The following NLGN4X variants were observed in gnomAD, a reference collection of about 807,000 sequenced individuals.
NLGN4X encodes neuroligin-4, X-linked.
A neutral mutation model predicts 40.3 loss-of-function variants in NLGN4X; 3 were observed. That is an observed-to-expected ratio of 0.07 (90% CI 0.03 to 0.19). The LOEUF is 0.19. NLGN4X is among the 10% of genes least tolerant of loss of function. NLGN4X has a pLI of 1.00. For synonymous variants in NLGN4X, 270 were observed against 306.8 expected, an observed-to-expected ratio of 0.88 and a Z score of 1.25; for missense variants, 382 against 708.3, an observed-to-expected ratio of 0.54 and a Z score of 5.23.
At position 5,896,363 on chromosome X, in the gene NLGN4X, T is replaced by C. The variant is rs756249095; in HGVS notation, c.1602-2697A>G. ...AAGCCAGATAAACTTGTGGAGATTA[T>C]GATAGCCCAAGTCATTCTCCCTTAC... On this transcript the variant is annotated intron_variant, in intron 5 of 5. Coordinates refer to ENST00000381095, the MANE Select transcript of NLGN4X (RefSeq NM_181332.3). 2.9e-4 allele frequency among the ~76,000 whole-genome samples: 32 copies of C among 112,194 alleles called. No homozygotes were observed. The Admixed American group carries it at 2.9e-3, about 10-fold the overall frequency.
At chrX:6,099,906 C>T (rs868107725) in intron 2 of NLGN4X, among the ~76,000 whole-genome samples, 10 of 111,719 alleles carry the variant, frequency 9.0e-5, no homozygotes, top group East Asian at 5.6e-4. Flanking sequence ...AACCCAGCAG[C>T]GCTAGAGGAA....
intron 3 of NLGN4X, among the ~76,000 whole-genome samples, chrX:6,017,613 GTTTGA>G (rs1317078206): frequency 9.0e-6 from 1 of 111,663 alleles, no homozygotes; most frequent in South Asian, 3.8e-4. Flanking sequence ...ACTTACAATG[GTTTGA>G]TTTATGATTT....
intron 3 of NLGN4X, among the ~76,000 whole-genome samples, chrX:6,026,152 C>T (rs754780926): frequency 1.8e-5 from 2 of 110,048 alleles, no homozygotes; most frequent in Non-Finnish European, 3.8e-5. Context: ...ACATTCTTTC[C>T]AATGCCAGCA....
intron 4 of NLGN4X, among the ~76,000 whole-genome samples, chrX:5,904,076 T>C (rs2032051550): frequency 1.8e-5 from 2 of 108,473 alleles, no homozygotes; most frequent in African/African-American, 6.7e-5. Context: ...AATGTTATTC[T>C]ACACACACAC....
rs1220178708 is a variant in NLGN4X at position 5,903,657 on chromosome X, C to A, written c.1021G>T (p.Gly341Trp). ...ATGACGTCGCCGTCGATCACCGGCC[C>A]GAAGGCTATGTGGTAGGTGGCCGGG... ...ITPATYHIAF[G>W]PVIDGDVIPD... The change falls in exon 5 of 6, where the codon GGG becomes TGG. Residue 341 changes from glycine to tryptophan, a missense_variant. Gly to Trp is a radical substitution (Grantham distance 184). Coordinates refer to ENST00000381095, the MANE Select transcript of NLGN4X (RefSeq NM_181332.3). 1 of 1,211,931 alleles carries A rather than the reference C, an allele frequency of 8.3e-7. No individual in the cohort carries two copies. Among genetic ancestry groups the A allele is most frequent in the Admixed American group, 2.2e-5 (1 of 46,079 alleles).
chrX:6,126,564 G>A (rs1410772364), intron 2 of NLGN4X, among the ~76,000 whole-genome samples: 1 of 111,732 alleles, frequency 8.9e-6, no homozygotes, highest in Non-Finnish European at 1.9e-5. Context: ...AGTAGAAAAT[G>A]TAATTGAAGA....
intron 3 of NLGN4X, among the ~76,000 whole-genome samples, chrX:5,949,122 C>T (rs2034223784): frequency 8.9e-6 from 1 of 111,925 alleles, no homozygotes; most frequent in African/African-American, 3.2e-5. Context: ...AGTCCCAGTG[C>T]TTTACTCCCA....
chrX:5,922,240 G>A (rs981760357), intron 3 of NLGN4X, among the ~76,000 whole-genome samples: 6 of 110,950 alleles, frequency 5.4e-5, no homozygotes, highest in African/African-American at 1.6e-4. Flanking sequence ...TTCTTCGTGG[G>A]GAGGGGGGGA....
At chrX:5,988,591 T>C (rs1207830328) in intron 3 of NLGN4X, among the ~76,000 whole-genome samples, 1 of 111,881 alleles carries the variant, frequency 8.9e-6, no homozygotes, top group Non-Finnish European at 1.9e-5. Context: ...ATGGGAAAGT[T>C]AGAAAACATT....
chrX:6,044,215 G>T (rs1320863441), intron 2 of NLGN4X, among the ~76,000 whole-genome samples: 1 of 111,911 alleles, frequency 8.9e-6, no homozygotes, highest in African/African-American at 3.2e-5. Context: ...TCCAGGGATT[G>T]CAGGCTGCAG....
intron 3 of NLGN4X, among the ~76,000 whole-genome samples, chrX:5,924,118 C>T (rs1227372497): frequency 2.7e-5 from 3 of 111,404 alleles, no homozygotes. Flanking sequence ...TCTAATTCTA[C>T]AAGATTGACT....
chrX:6,024,458 C>T (rs1256748918), intron 3 of NLGN4X, among the ~76,000 whole-genome samples: 2 of 110,925 alleles, frequency 1.8e-5, no homozygotes, highest in Non-Finnish European at 3.8e-5. Flanking sequence ...GGCTGGGTAA[C>T]GTAAGGCTGG....
intron 2 of NLGN4X, among the ~76,000 whole-genome samples, chrX:6,122,247 T>A (rs1008560072): frequency 2.7e-5 from 3 of 111,432 alleles, no homozygotes; most frequent in African/African-American, 9.8e-5. Context: ...TTGTTTTTTA[T>A]TTTTTTCTTG....
At chrX:6,050,091 G>T (rs1226933800) in intron 2 of NLGN4X, among the ~76,000 whole-genome samples, 2 of 111,759 alleles carry the variant, frequency 1.8e-5, no homozygotes, top group Non-Finnish European at 3.8e-5. Flanking sequence ...AATGCTTTTG[G>T]TAGGAAGGTA....
chrX:5,936,406 T>G (rs2033731289), intron 3 of NLGN4X, among the ~76,000 whole-genome samples: 1 of 112,323 alleles, frequency 8.9e-6, no homozygotes, highest in South Asian at 3.7e-4. Flanking sequence ...AGATCTTTCA[T>G]TAACTGGAAC....
At chrX:5,916,809 C>T (rs765208653) in intron 3 of NLGN4X, among the ~76,000 whole-genome samples, 2 of 112,119 alleles carry the variant, frequency 1.8e-5, no homozygotes, top group African/African-American at 3.2e-5. Context: ...GTGATTATTT[C>T]GAAGCATGTG....
intron 3 of NLGN4X, among the ~76,000 whole-genome samples, chrX:5,926,934 TTCTA>T (rs3072082): frequency 0.024 from 2,362 of 96,859 alleles, 42 homozygotes; most frequent in African/African-American, 0.051. Flanking sequence ...TCTCTATATC[TTCTA>T]TCTATCTATC....
intron 2 of NLGN4X, among the ~76,000 whole-genome samples, chrX:6,034,831 C>T (rs1690297585): frequency 9.1e-6 from 1 of 110,208 alleles, no homozygotes; most frequent in African/African-American, 3.3e-5. Context: ...GCCTCAGCCT[C>T]TCAAGTGGCT....
intron 3 of NLGN4X, among the ~76,000 whole-genome samples, chrX:5,977,693 T>A (rs2035219619): frequency 9.0e-6 from 1 of 111,469 alleles, no homozygotes; most frequent in South Asian, 3.8e-4. Flanking sequence ...AGCATAGATT[T>A]ATGCAGCAAA....
Sources: gnomAD v4.1 joint callset for allele counts (sites outside exome capture counted in the v4.1 genomes callset) on GRCh38, gnomAD v4.1.1 for gene constraint, MANE v1.5 for transcripts, NCBI Gene and HGNC (gene_info 2026-07-23, HGNC 2026-07-21) for gene names.